The following RUBCN variants were observed in gnomAD, a reference collection of about 807,000 sequenced individuals.
RUBCN encodes rubicon autophagy regulator, also known as run domain Beclin-1-interacting and cysteine-rich domain-containing protein.
A neutral mutation model predicts 113.2 loss-of-function variants in RUBCN; 74 were observed. The ratio of observed to expected loss-of-function variants is 0.65; its 90% CI spans 0.54 to 0.79. The LOEUF (loss-of-function observed/expected upper bound fraction) is 0.79. Among genes scored for constraint, RUBCN ranks in the 30% least tolerant of loss-of-function variants. The probability of loss-of-function intolerance (pLI) is 0.00; values close to 1 mark genes in which losing one functional copy is unlikely to be tolerated. For missense variants in RUBCN, 1,109 were observed against 1,251.7 expected, an observed-to-expected ratio of 0.89 and a Z score of 1.72; for synonymous variants, 480 against 490.0, an observed-to-expected ratio of 0.98 and a Z score of 0.27.
intron 10 of RUBCN, 183 bp from the exon 11 acceptor site, chr3:197,693,999 T>C: frequency 1.7e-6 from 1 of 600,646 alleles, no homozygotes; most frequent in South Asian, 1.9e-5. Context: ...AGCAGTGTTC[T>C]TAGGTCTCCT....
At chr3:197,696,520 C>T (rs779342505) in intron 8 of RUBCN, among the ~76,000 whole-genome samples, 1 of 152,212 alleles carries the variant, frequency 6.6e-6, no homozygotes, top group South Asian at 2.1e-4. Context: ...TCGTACCATA[C>T]AGTAAAGAAA....
At chr3:197,696,545 T>C (rs559802390) in intron 8 of RUBCN, among the ~76,000 whole-genome samples, 10 of 152,086 alleles carry the variant, frequency 6.6e-5, no homozygotes, top group South Asian at 2.1e-4. Context: ...AAAATAAAAA[T>C]GTAGAACTTT....
chr3:197,686,354 A>G (rs1047715723), intron 11 of RUBCN, among the ~76,000 whole-genome samples: 3 of 152,138 alleles, frequency 2.0e-5, no homozygotes, highest in African/African-American at 7.2e-5. Flanking sequence ...GTGAGGTCGG[A>G]GGTACATGCA....
At chr3:197,701,266 T>C in intron 6 of RUBCN, 120 bp from the exon 7 acceptor site, 1 of 874,376 alleles carries the variant, frequency 1.1e-6, no homozygotes, top group South Asian at 2.0e-5. Flanking sequence ...CCAAATAAAG[T>C]ACAAAATTAT....
In RUBCN at chr3:197,683,263, G is replaced by A; in HGVS notation, c.1980+44C>T. ...TGACGAAGGAAAACAAGGTCACAGA[G>A]GCTCACGATGGCCCCTGGGTAGGAA... is the stretch of plus-strand genomic sequence containing the variant. On this transcript the variant is annotated intron_variant, in intron 13 of 19. Transcript: ENST00000296343. The surrounding 1 kb of genome is among the most constrained non-coding windows in gnomAD (Gnocchi z 4.6). 2 of 1,613,618 alleles carry A rather than the reference G, an allele frequency of 1.2e-6. No homozygotes were observed. Among genetic ancestry groups the A allele is most frequent in the Non-Finnish European group, 1.7e-6 (2 of 1,179,500 alleles).
At chr3:197,686,335 A>C (rs1721835732) in intron 11 of RUBCN, among the ~76,000 whole-genome samples, 1 of 152,040 alleles carries the variant, frequency 6.6e-6, no homozygotes, top group Non-Finnish European at 1.5e-5. Flanking sequence ...TCCTTTTACT[A>C]GAGGTAAAGT....
chr3:197,714,744 C>T lies in RUBCN; in HGVS notation c.219+3233G>A, dbSNP rs989955848. ...GAGCTTAGAGTTCCAGGTAGTTATACGAGGCCCTGACAGGGGATGACATGA... is the reference window on the plus strand; with the variant it reads ...GAGCTTAGAGTTCCAGGTAGTTATATGAGGCCCTGACAGGGGATGACATGA... On this transcript the variant is annotated intron_variant, in intron 2 of 19. Transcript: ENST00000296343. Among the ~76,000 whole-genome samples, 10 of 152,156 alleles carry T rather than the reference C, an allele frequency of 6.6e-5. No homozygotes were observed. The South Asian group carries it at 1.5e-3, about 22-fold the overall frequency.
chr3:197,695,680 G>C (rs1472473434), intron 9 of RUBCN, among the ~76,000 whole-genome samples, 186 bp downstream of exon 9: 1 of 152,148 alleles, frequency 6.6e-6, no homozygotes, highest in African/African-American at 2.4e-5. Flanking sequence ...TAATAATTTG[G>C]ACTCAGTGAG....
chr3:197,682,665 G>GA, intron 13 of RUBCN, 50 bp from the exon 14 acceptor site: 1 of 1,601,196 alleles, frequency 6.2e-7, no homozygotes, highest in Non-Finnish European at 8.5e-7. Context: ...TGTGCTGCCC[G>GA]TCATCTGGTG....
chr3:197,714,059 G>C (rs983355857), intron 2 of RUBCN, among the ~76,000 whole-genome samples: 1 of 151,954 alleles, frequency 6.6e-6, no homozygotes, highest in African/African-American at 2.4e-5. Context: ...CTGGGCGACA[G>C]AGCGAGACTC....
intron 16 of RUBCN, among the ~76,000 whole-genome samples, chr3:197,678,990 C>T (rs1246519070): frequency 6.6e-6 from 1 of 151,574 alleles, no homozygotes; most frequent in Non-Finnish European, 1.5e-5. Flanking sequence ...TCAGACTGTC[C>T]TACGCTCTAA....
rs145474133 is a variant in RUBCN, at chr3:197,708,625, C to T, written c.220-3450G>A. The stretch of plus-strand genomic sequence containing the variant: ...AAGAATGGCTTTCCAATTCTCCCAA[C>T]GTTGCCAAAGAAGCACTCAAGTTGG... On this transcript the variant is annotated intron_variant, in intron 2 of 19. Transcript: ENST00000296343. Among the ~76,000 whole-genome samples the T allele has an allele frequency of 8.9e-4, 134 of 150,120 alleles. 1 individual carries two copies. Among genetic ancestry groups the T allele is most frequent in the African/African-American group, 3.0e-3 (122 of 40,832 alleles).
At chr3:197,679,025 C>T (rs1175799585) in intron 16 of RUBCN, among the ~76,000 whole-genome samples, 1 of 151,254 alleles carries the variant, frequency 6.6e-6, no homozygotes, top group African/African-American at 2.4e-5. Context: ...TCAGACTGTC[C>T]TACGCTCTGA....
chr3:197,732,200 A>G (rs1727591315), intron 1 of RUBCN, among the ~76,000 whole-genome samples: 1 of 152,268 alleles, frequency 6.6e-6, no homozygotes, highest in South Asian at 2.1e-4. Context: ...CTGCAAGCTC[A>G]GCAGTAGACT....
intron 1 of RUBCN, among the ~76,000 whole-genome samples, chr3:197,728,257 G>A (rs116364242): frequency 0.012 from 1,868 of 152,346 alleles, 45 homozygotes; most frequent in African/African-American, 0.044. Flanking sequence ...GCTGTGGGGA[G>A]AGGAAAAGCT....
In RUBCN at chr3:197,677,043, A is replaced by C. The variant is rs746229109; in HGVS notation, c.2493-5T>G. 6.2e-7 allele frequency: 1 copy of C among 1,612,946 alleles called. No individual in the cohort carries two copies. Among genetic ancestry groups the C allele is most frequent in the South Asian group, 1.1e-5 (1 of 91,020 alleles). ...GTGTCAAAGGAATCCAGAAGCCTAC[A>C]GGGAGTGACAGGAGGCAGGTGAGGG... On this transcript the variant is annotated splice_polypyrimidine_tract_variant and splice_region_variant and intron_variant, in intron 17 of 19. Coordinates refer to ENST00000296343, the MANE Select transcript of RUBCN (RefSeq NM_014687.4).
chr3:197,672,257 A>G lies in RUBCN; in HGVS notation c.*2761T>C, dbSNP rs1719862974. 1.3e-5 allele frequency: 2 copies of G among 152,116 alleles called. No homozygotes were observed. Among genetic ancestry groups the G allele is most frequent in the Admixed American group, 1.3e-4 (2 of 15,276 alleles). The allele number at this position is 152,116 out of a possible 1,614,324, so 9.4% of individuals were successfully genotyped here. On this transcript the variant is annotated 3_prime_UTR_variant, in exon 20 of 20. Coordinates refer to ENST00000296343, the MANE Select transcript of RUBCN (RefSeq NM_014687.4). ...CTTGTCTCCACCTGGTAAGCAAACT[A>G]TGTTTTTTTTCTTTCCCTTTACTTA...
At chr3:197,686,383 A>T (rs2108863355) in intron 11 of RUBCN, among the ~76,000 whole-genome samples, 1 of 152,316 alleles carries the variant, frequency 6.6e-6, no homozygotes, top group East Asian at 1.9e-4. Context: ...CTAGGCAATC[A>T]TGAATACGTC....
At chr3:197,684,106 T>A in intron 12 of RUBCN, 51 bp downstream of exon 12, 1 of 1,417,016 alleles carries the variant, frequency 7.1e-7, no homozygotes, top group East Asian at 2.3e-5. Context: ...TTTGTTTCTC[T>A]ACATATCCTA....
Sources: allele counts gnomAD v4.1 joint callset (sites outside exome capture counted in the v4.1 genomes callset), GRCh38; gene constraint gnomAD v4.1.1; non-coding constraint Gnocchi (gnomAD v3.1); transcripts MANE v1.5; gene names NCBI Gene and HGNC (gene_info 2026-07-23, HGNC 2026-07-21).